The following MACROD2 variants were observed in gnomAD, a reference collection of about 807,000 sequenced individuals.
The protein encoded by MACROD2 is mono-ADP ribosylhydrolase 2.
A neutral mutation model predicts 70.4 loss-of-function variants in MACROD2; 36 were observed. The observed-to-expected ratio is 0.51, with a 90% CI of 0.39 to 0.68. MACROD2 has a LOEUF of 0.68. Ranked by LOEUF, MACROD2 falls within the 30% of genes least tolerant of loss-of-function variation. The pLI is 0.00. For synonymous variants in MACROD2, 172 were observed against 178.8 expected (o/e 0.96, Z 0.30); for missense variants, 496 against 538.4 (o/e 0.92, Z 0.78).
intron 5 of MACROD2, among the ~76,000 whole-genome samples, chr20:15,206,558 A>G (rs1010373795): frequency 5.7e-4 from 87 of 151,444 alleles, no homozygotes; most frequent in Non-Finnish European, 5.6e-4. Context: ...TTATTGTTCT[A>G]TTTTCCCTCA....
intron 3 of MACROD2, among the ~76,000 whole-genome samples, chr20:14,314,091 A>T (rs2082592084): frequency 6.6e-6 from 1 of 152,236 alleles, no homozygotes; most frequent in African/African-American, 2.4e-5. Flanking sequence ...TTCTTATTTA[A>T]CAAAAAAATG....
chr20:15,429,909 A>T (rs994667419), intron 6 of MACROD2, among the ~76,000 whole-genome samples: 3 of 152,030 alleles, frequency 2.0e-5, no homozygotes, highest in Admixed American at 6.5e-5. Flanking sequence ...CCCTTCAGGT[A>T]GTTTCTCACC....
chr20:14,195,665 G>A lies in MACROD2; in HGVS notation c.271+109937G>A, dbSNP rs991759709. On this transcript the variant is annotated intron_variant, in intron 3 of 17. Coordinates refer to ENST00000684519, the MANE Select transcript of MACROD2 (RefSeq NM_001351661.2). ...AAGTAGACAGAAGTGGCTGGACATT[G>A]AGAGGACATTGAGGGGAGCACGCCG... 3.9e-5 allele frequency among the ~76,000 whole-genome samples: 6 copies of A among 152,148 alleles called. No individual in the cohort carries two copies. In the South Asian group the frequency reaches 1.3e-3, roughly 32 times the overall value.
At chr20:14,196,277 A>G (rs545578159) in intron 3 of MACROD2, among the ~76,000 whole-genome samples, 2 of 152,254 alleles carry the variant, frequency 1.3e-5, no homozygotes, top group African/African-American at 2.4e-5. Flanking sequence ...CTTCACTTCA[A>G]TGCCACCCCA....
Position 15,777,652 on chromosome 20 carries a change from C to CTCTCTCTT in MACROD2, c.646-85090_646-85089insCTCTTTCT, listed in dbSNP as rs71190199. On this transcript the variant is annotated intron_variant, in intron 8 of 17. Coordinates refer to ENST00000684519, the MANE Select transcript of MACROD2 (RefSeq NM_001351661.2). The stretch of plus-strand genomic sequence containing the variant: ...CTCCTTCCTTCCTCTCTCTCTCTCT[C>CTCTCTCTT]TCTTTCTTTCGAGACAGAGTCTCAC... 5.5e-4 allele frequency among the ~76,000 whole-genome samples: 74 copies of CTCTCTCTT among 135,070 alleles called. 3 individuals carry two copies. The highest frequency in any genetic ancestry group is 1.5e-3 in the African/African-American group (54 of 36,260). 88.6% of individuals were successfully genotyped at this position (135,070 alleles called of 152,430 possible).
rs6135581 is a variant in MACROD2 at position 15,874,927 on chromosome 20, G to C, written c.728-10837G>C. On this transcript the variant is annotated intron_variant, in intron 9 of 17. Transcript: ENST00000684519. ...AGGTGGGGTCAATGTCATCAAGAGA[G>C]TTCTTAAAATTGAAAGAGGAAAGCA... Among the ~76,000 whole-genome samples, 3,248 of 152,214 alleles carry C rather than the reference G, an allele frequency of 0.021. 205 individuals carry two copies. The East Asian group carries it at 0.24, about 11-fold the overall frequency.
chr20:15,926,647 T>C (rs1029274253), intron 10 of MACROD2, among the ~76,000 whole-genome samples: 1 of 152,088 alleles, frequency 6.6e-6, no homozygotes, highest in South Asian at 2.1e-4. Context: ...AAAGGGGACA[T>C]TTAAGCAGTA....
chr20:16,014,036 A>G (rs906582487), intron 15 of MACROD2, among the ~76,000 whole-genome samples: 1 of 152,238 alleles, frequency 6.6e-6, no homozygotes, highest in Non-Finnish European at 1.5e-5. Flanking sequence ...GAAGGGATCC[A>G]CTGACTCAAA....
At chr20:15,179,916 T>C (rs1367186299) in intron 5 of MACROD2, among the ~76,000 whole-genome samples, 2 of 152,180 alleles carry the variant, frequency 1.3e-5, no homozygotes, top group African/African-American at 4.8e-5. Context: ...TAGGAATTTA[T>C]TTTCTTACAG....
chr20:16,022,053 T>TC (rs1381271593), intron 15 of MACROD2, among the ~76,000 whole-genome samples: 13 of 144,656 alleles, frequency 9.0e-5, no homozygotes, highest in African/African-American at 3.3e-4. Flanking sequence ...GTTTCTTTTT[T>TC]TTTTTTTTTT....
intron 6 of MACROD2, among the ~76,000 whole-genome samples, chr20:15,410,391 G>A (rs2046060484): frequency 6.6e-6 from 1 of 152,044 alleles, no homozygotes; most frequent in Non-Finnish European, 1.5e-5. Context: ...GTTGTTAATG[G>A]GTTACCTTCC....
intron 5 of MACROD2, among the ~76,000 whole-genome samples, chr20:14,809,114 A>G (rs1052232044): frequency 3.9e-5 from 6 of 152,138 alleles, no homozygotes; most frequent in African/African-American, 1.2e-4. Context: ...TCTCCACCCC[A>G]AATCAACAGA....
At chr20:15,653,373 C>T (rs1052908194) in intron 8 of MACROD2, among the ~76,000 whole-genome samples, 11 of 152,156 alleles carry the variant, frequency 7.2e-5, no homozygotes, top group East Asian at 3.8e-4. Context: ...TAAAGTCAAA[C>T]GTGCCATGTC....
intron 6 of MACROD2, among the ~76,000 whole-genome samples, chr20:15,301,027 C>T (rs1023110677): frequency 2.0e-5 from 3 of 152,140 alleles, no homozygotes; most frequent in African/African-American, 7.2e-5. Context: ...CCCCACATGG[C>T]ACCACTGGCA....
Position 16,049,890 on chromosome 20 carries a change from C to T in MACROD2, c.*14C>T, listed in dbSNP as rs765151377. 16 of 1,510,106 alleles carry T rather than the reference C, an allele frequency of 1.1e-5. No individual in the cohort carries two copies. The highest frequency in any genetic ancestry group is 4.5e-5 in the South Asian group (4 of 89,332). The allele number at this position is 1,510,106 out of a possible 1,614,324, so 93.5% of individuals were successfully genotyped here. A position where few individuals can be genotyped will look rare whatever the true frequency, so the allele number is the denominator to read the frequency against. ...GGAACTAAATGACAATCCTCAGCAT[C>T]GCAAGGCCTCTCCTGGCTCTGGGGG... On this transcript the variant is annotated 3_prime_UTR_variant, in exon 18 of 18. Transcript: ENST00000684519.
At chr20:14,166,452 C>T (rs2148720975) in intron 3 of MACROD2, among the ~76,000 whole-genome samples, 1 of 152,162 alleles carries the variant, frequency 6.6e-6, no homozygotes, top group East Asian at 1.9e-4. Context: ...ACAGCTTCTC[C>T]TTTGGAAAAT....
chr20:14,930,646 C>T (rs1418838503), intron 5 of MACROD2, among the ~76,000 whole-genome samples: 2 of 151,318 alleles, frequency 1.3e-5, no homozygotes, highest in Admixed American at 1.3e-4. Context: ...CAGTATTAAA[C>T]ATTTTGTCTG....
At chr20:14,753,587 G>A (rs989436307) in intron 5 of MACROD2, among the ~76,000 whole-genome samples, 7 of 151,598 alleles carry the variant, frequency 4.6e-5, no homozygotes, top group Non-Finnish European at 7.4e-5. Context: ...TTACATAGTC[G>A]AATTATACCA....
intron 3 of MACROD2, among the ~76,000 whole-genome samples, chr20:14,406,592 G>T (rs1255401867): frequency 6.6e-6 from 1 of 152,076 alleles, no homozygotes; most frequent in Non-Finnish European, 1.5e-5. Flanking sequence ...GCATTGTGTG[G>T]TTAGCTATCT....
Sources: gnomAD v4.1 joint callset for allele counts (sites outside exome capture counted in the v4.1 genomes callset) on GRCh38, gnomAD v4.1.1 for gene constraint, MANE v1.5 for transcripts, NCBI Gene and HGNC (gene_info 2026-07-23, HGNC 2026-07-21) for gene names.